PKIB: variants seen among roughly 807,000 people sequenced by gnomAD.
PKIB encodes the protein PKI-beta.
In PKIB, 2 loss-of-function variants were observed where a neutral mutation model predicts 4.5. That is an observed-to-expected ratio of 0.44 (90% CI 0.18 to 1.39). The LOEUF (loss-of-function observed/expected upper bound fraction) is 1.39, where lower values mean the gene tolerates loss of function less well. Ranked by LOEUF, PKIB falls within the 40% of genes most tolerant of loss-of-function variation. The probability of loss-of-function intolerance (pLI) is 0.27; values close to 1 mark genes in which losing one functional copy is unlikely to be tolerated. For synonymous variants in PKIB, 38 were observed against 36.0 expected (o/e 1.06, Z -0.20); for missense variants, 94 against 92.6 (o/e 1.02, Z -0.06).
chr6:122,593,092 C>A lies in PKIB; in HGVS notation c.-161+7085C>A, dbSNP rs527657044. Among the ~76,000 whole-genome samples the A allele has an allele frequency of 1.7e-3, 255 of 152,254 alleles. 3 individuals are homozygous for A. The South Asian group carries it at 0.02, about 12-fold the overall frequency. On this transcript the variant is annotated intron_variant, in intron 3 of 6. Coordinates refer to the PKIB transcript ENST00000392491. ...GTGGTGTCAAGCTACTATTTTCAGC[C>A]ATAAATTGTCCCTTTACTGAGAGAA...
intron 1 of PKIB, among the ~76,000 whole-genome samples, chr6:122,632,867 A>G (rs1255673803): frequency 1.4e-5 from 2 of 143,594 alleles, no homozygotes; most frequent in Admixed American, 6.9e-5. Context: ...TTCAATGGAA[A>G]TTTGAAAATC....
chr6:122,709,945 CCTAT>C (rs752846555), intron 3 of PKIB, among the ~76,000 whole-genome samples: 3 of 152,144 alleles, frequency 2.0e-5, no homozygotes, highest in African/African-American at 4.8e-5. Flanking sequence ...CAGCCTGACT[CCTAT>C]CTATTTTGAT....
At chr6:122,706,038 C>T (rs962834560) in intron 3 of PKIB, among the ~76,000 whole-genome samples, 7 of 152,120 alleles carry the variant, frequency 4.6e-5, no homozygotes, top group South Asian at 2.1e-4. Flanking sequence ...TCCATGGCAG[C>T]GAAATGTTTC....
intron 2 of PKIB, among the ~76,000 whole-genome samples, chr6:122,667,459 C>T (rs1424041146): frequency 3.9e-5 from 6 of 152,102 alleles, no homozygotes; most frequent in African/African-American, 1.4e-4. Flanking sequence ...ATGGCATGAA[C>T]CCGGGAGGCG....
intron 2 of PKIB, among the ~76,000 whole-genome samples, chr6:122,672,497 C>T (rs1481301121): frequency 3.3e-5 from 5 of 152,070 alleles, no homozygotes; most frequent in African/African-American, 7.2e-5. Context: ...CTTGATGAGT[C>T]CACTGGCTTT....
chr6:122,638,496 G>C (rs944632506), intron 2 of PKIB, among the ~76,000 whole-genome samples: 14 of 152,176 alleles, frequency 9.2e-5, no homozygotes, highest in African/African-American at 3.4e-4. Flanking sequence ...TTCCTCCAGA[G>C]AGCACTCACT....
At chr6:122,520,675 C>CCCA (rs1554217179) in intron 2 of PKIB, among the ~76,000 whole-genome samples, 2 of 134,698 alleles carry the variant, frequency 1.5e-5, no homozygotes, top group Non-Finnish European at 1.6e-5. Context: ...ACCCCCCCCC[C>CCCA]ACCAAATTTA....
intron 2 of PKIB, among the ~76,000 whole-genome samples, chr6:122,668,598 A>G (rs1013055497): frequency 6.6e-6 from 1 of 152,222 alleles, no homozygotes; most frequent in Non-Finnish European, 1.5e-5. Context: ...AATACAAAAC[A>G]GAAATCTTCG....
chr6:122,543,377 G>C (rs566673051), intron 2 of PKIB, among the ~76,000 whole-genome samples: 1 of 68,864 alleles, frequency 1.5e-5, no homozygotes, highest in African/African-American at 5.8e-5. Flanking sequence ...TTTTTTGTTT[G>C]TTTTTAGACA....
At chr6:122,586,261 T>A (rs1773844459) in intron 3 of PKIB, 1 of 152,140 alleles carries the variant, frequency 6.6e-6, no homozygotes, top group Non-Finnish European at 1.5e-5. Flanking sequence ...ATCAAACTTA[T>A]TTATGGTTCT....
chr6:122,610,129 G>A (rs1257694111), upstream of PKIB: 1 of 152,268 alleles, frequency 6.6e-6, no homozygotes, highest in Non-Finnish European at 1.5e-5. Flanking sequence ...AAGGGAACTG[G>A]GAGTGGCGGG....
chr6:122,527,473 T>A (rs1365532818), intron 2 of PKIB, among the ~76,000 whole-genome samples: 1 of 152,144 alleles, frequency 6.6e-6, no homozygotes, highest in Non-Finnish European at 1.5e-5. Flanking sequence ...AACACTTAGA[T>A]GCCATGGCAG....
chr6:122,562,002 T>TTTTTTTTTTTTTTTTTTTTTTTTTTTA (rs1773041546), intron 2 of PKIB, among the ~76,000 whole-genome samples: 1 of 131,196 alleles, frequency 7.6e-6, no homozygotes, highest in Non-Finnish European at 1.5e-5. Context: ...TTGTTTTTTT[T>TTTTTTTTTTTTTTTTTTTTTTTTTTTA]TGTTTTTTTT....
At chr6:122,565,927 C>T (rs952524210) in intron 2 of PKIB, among the ~76,000 whole-genome samples, 1 of 152,342 alleles carries the variant, frequency 6.6e-6, no homozygotes, top group Admixed American at 6.5e-5. Context: ...ACCACTTTTA[C>T]CTCTGTTTTC....
chr6:122,483,171 C>T (rs1775675562), intron 2 of PKIB: 1 of 152,090 alleles, frequency 6.6e-6, no homozygotes, highest in African/African-American at 2.4e-5. Context: ...TCTTCTGTAG[C>T]TTCCTCATTT....
intron 1 of PKIB, among the ~76,000 whole-genome samples, chr6:122,613,740 C>T (rs1284044002): frequency 1.3e-5 from 2 of 151,754 alleles, no homozygotes; most frequent in East Asian, 1.9e-4. Flanking sequence ...CTGAGGTGGG[C>T]GGATCACAAG....
In PKIB at chr6:122,507,427, T is replaced by C. The variant is rs1013241282; in HGVS notation, c.-248+29488T>C. On this transcript the variant is annotated intron_variant, in intron 2 of 6. Transcript: ENST00000392491. ...TAATAGGTATAATTTTGGTTTGTTG[T>C]AGTTACAGGGAGACTTACCGTCATA... 4.6e-5 allele frequency among the ~76,000 whole-genome samples: 7 copies of C among 152,184 alleles called. No homozygotes were observed. The East Asian group carries it at 1.3e-3, about 29-fold the overall frequency.
chr6:122,702,326 CTTTTTTTTTTTT>C (rs112095053), intron 3 of PKIB, among the ~76,000 whole-genome samples: 1 of 97,266 alleles, frequency 1.0e-5, no homozygotes, highest in Non-Finnish European at 2.0e-5. Flanking sequence ...TTTAAAAAAA[CTTTTTTTTTTTT>C]TTTTTTTTTG....
Position 122,725,127 on chromosome 6 carries a change from G to C in PKIB, c.170-1G>C, listed in dbSNP as rs1248479625. The C allele has an allele frequency of 6.3e-7, 1 of 1,598,724 alleles. No homozygotes were observed. The highest frequency in any genetic ancestry group is 1.4e-5 in the African/African-American group (1 of 73,592). On this transcript the variant is annotated splice_acceptor_variant, in intron 4 of 4. Transcript: ENST00000368452. LOFTEE classifies it high-confidence loss of function. ...CATATGAATGGAAATTTTTTTTTCA[G>C]ATGCAAAAGAGAAAGATGAAAAAAC...
Sources: gnomAD v4.1 joint callset for allele counts (sites outside exome capture counted in the v4.1 genomes callset) on GRCh38, gnomAD v4.1.1 for gene constraint, MANE v1.5 for transcripts, NCBI Gene and HGNC (gene_info 2026-07-23, HGNC 2026-07-21) for gene names.